ZNF536: variants seen among roughly 807,000 people sequenced by gnomAD.
ZNF536 encodes the protein zinc finger protein 536.
Under a neutral mutation model 84.5 loss-of-function variants are expected in ZNF536, and 13 were observed. That is an observed-to-expected ratio of 0.15 (90% CI 0.10 to 0.24). The LOEUF is 0.24. ZNF536 is among the 10% of genes least tolerant of loss of function. The pLI is 1.00. For missense variants in ZNF536, 1,536 were observed against 1,747.5 expected (o/e 0.88, Z 2.16); for synonymous variants, 811 against 742.5 (o/e 1.09, Z -1.50).
chr19:30,629,786 A>G (rs1310627406), intron 1 of ZNF536, among the ~76,000 whole-genome samples: 5 of 152,132 alleles, frequency 3.3e-5, no homozygotes, highest in African/African-American at 1.2e-4. Flanking sequence ...GTGCATCCAC[A>G]TTCACTCCAT....
intron 2 of ZNF536, among the ~76,000 whole-genome samples, chr19:30,532,784 CCTT>C (rs2145902958): frequency 6.6e-6 from 1 of 152,284 alleles, no homozygotes; most frequent in South Asian, 2.1e-4. Context: ...AGCCATCACT[CCTT>C]CTGGCAGCAG....
intron 2 of ZNF536, among the ~76,000 whole-genome samples, chr19:30,286,513 A>G (rs1421976337): frequency 7.2e-6 from 1 of 139,300 alleles, no homozygotes; most frequent in East Asian, 2.8e-4. Context: ...ACAGAGAAAG[A>G]GAGACAGAGA....
At chr19:30,396,011 G>A (rs891758140) in intron 1 of ZNF536, among the ~76,000 whole-genome samples, 1 of 152,028 alleles carries the variant, frequency 6.6e-6, no homozygotes, top group Non-Finnish European at 1.5e-5. Flanking sequence ...TTTACATTAG[G>A]GTGCACTTGG....
intron 1 of ZNF536, among the ~76,000 whole-genome samples, chr19:30,437,992 G>A (rs2051831645): frequency 6.6e-6 from 1 of 152,134 alleles, no homozygotes; most frequent in East Asian, 1.9e-4. Context: ...CTGCCCAGGT[G>A]AGCTGGTTCG....
intron 1 of ZNF536, among the ~76,000 whole-genome samples, chr19:30,634,440 ATG>A (rs2048993895): frequency 2.0e-5 from 3 of 152,096 alleles, no homozygotes; most frequent in African/African-American, 4.8e-5. Context: ...GTCAGGAAAA[ATG>A]ATTACCCTTG....
chr19:30,473,364 C>T (rs1405744532), intron 2 of ZNF536, among the ~76,000 whole-genome samples: 3 of 152,060 alleles, frequency 2.0e-5, no homozygotes, highest in Non-Finnish European at 2.9e-5. Flanking sequence ...TGTCCCATGG[C>T]CCCAGAGTAT....
intron 1 of ZNF536, among the ~76,000 whole-genome samples, chr19:30,252,382 C>T (rs973394103): frequency 6.6e-6 from 1 of 152,222 alleles, no homozygotes; most frequent in Non-Finnish European, 1.5e-5. Context: ...CACTCCTAGT[C>T]TCCCCAGGGG....
At chr19:30,374,683 G>T (rs1046792442) in intron 1 of ZNF536, among the ~76,000 whole-genome samples, 2 of 61,512 alleles carry the variant, frequency 3.3e-5, no homozygotes, top group Non-Finnish European at 6.3e-5. Context: ...ACAACAAACT[G>T]AGTGTTGTTT....
At chr19:30,319,346 C>T (rs1037938244) in intron 2 of ZNF536, among the ~76,000 whole-genome samples, 19 of 151,870 alleles carry the variant, frequency 1.3e-4, no homozygotes, top group Admixed American at 4.6e-4. Context: ...ATAATTTAGT[C>T]GTAAAGGCTC....
chr19:30,461,426 A>G (rs533145430), intron 2 of ZNF536, among the ~76,000 whole-genome samples: 5 of 152,250 alleles, frequency 3.3e-5, no homozygotes, highest in Non-Finnish European at 5.9e-5. Context: ...TCTCAGTAGG[A>G]GTCATCCCGA....
At chr19:30,677,439 C>T (rs2050792383) in intron 1 of ZNF536, among the ~76,000 whole-genome samples, 1 of 152,214 alleles carries the variant, frequency 6.6e-6, no homozygotes, top group Non-Finnish European at 1.5e-5. Context: ...AGGACAGGGC[C>T]CTGGCCACCC....
chr19:30,504,691 A>G (rs961191733), intron 2 of ZNF536, among the ~76,000 whole-genome samples: 1 of 132,076 alleles, frequency 7.6e-6, no homozygotes, highest in Non-Finnish European at 1.6e-5. Context: ...TCTTCCTCCC[A>G]TGAGTACCCA....
At chr19:30,293,771 G>T (rs762842417) in intron 2 of ZNF536, among the ~76,000 whole-genome samples, 2 of 152,182 alleles carry the variant, frequency 1.3e-5, no homozygotes, top group Admixed American at 6.5e-5. Context: ...TTTGGAGTTT[G>T]CATTTCATCC....
At chr19:30,413,139 T>C (rs2050566356) in intron 1 of ZNF536, among the ~76,000 whole-genome samples, 1 of 152,194 alleles carries the variant, frequency 6.6e-6, no homozygotes, top group African/African-American at 2.4e-5. Context: ...TTTATTTTCT[T>C]GGTCTTTTCA....
Position 30,534,857 on chromosome 19 carries a change from G to A in ZNF536, c.2181G>A (p.Glu727=), listed in dbSNP as rs2145931613. Residue 727 remains glutamate, a synonymous_variant, in exon 3 of 5, where the codon GAG becomes GAA. Coordinates refer to ENST00000355537, the MANE Select transcript of ZNF536 (RefSeq NM_014717.3). The part of the protein sequence containing the change: ...PSSPSSSDIG[E]EAGRSAGVQQ... ...TCTCCTTCGCTGCAGACATTGGCGA[G>A]GAGGCTGGGAGATCTGCCGGCGTCC... The A allele has an allele frequency of 6.2e-7, 1 of 1,612,344 alleles. No homozygotes were observed. The highest frequency in any genetic ancestry group is 8.5e-7 in the Non-Finnish European group (1 of 1,178,882).
intron 2 of ZNF536, among the ~76,000 whole-genome samples, chr19:30,517,688 G>C (rs894608538): frequency 6.6e-6 from 1 of 152,106 alleles, no homozygotes; most frequent in Non-Finnish European, 1.5e-5. Context: ...AGGCTGACAC[G>C]GGAGGATTGT....
At chr19:30,545,649 G>A (rs1488433100) in intron 3 of ZNF536, among the ~76,000 whole-genome samples, 1 of 151,670 alleles carries the variant, frequency 6.6e-6, no homozygotes, top group Non-Finnish European at 1.5e-5. Flanking sequence ...CTCTTGCCTC[G>A]GCCTCCCAAA....
At chr19:30,569,241 T>C (rs1046545667) in intron 1 of ZNF536, among the ~76,000 whole-genome samples, 2 of 152,166 alleles carry the variant, frequency 1.3e-5, no homozygotes, top group African/African-American at 4.8e-5. Context: ...ATAAATTTTA[T>C]GATACCCTGG....
chr19:30,650,101 G>T (rs1204182948), intron 1 of ZNF536, among the ~76,000 whole-genome samples: 1 of 152,194 alleles, frequency 6.6e-6, no homozygotes, highest in Non-Finnish European at 1.5e-5. Context: ...GTTCGAATGG[G>T]CACCATTTTA....
Sources: gnomAD v4.1 joint callset for allele counts (sites outside exome capture counted in the v4.1 genomes callset) on GRCh38, gnomAD v4.1.1 for gene constraint, MANE v1.5 for transcripts, NCBI Gene and HGNC (gene_info 2026-07-23, HGNC 2026-07-21) for gene names.